The following PTPRJ variants were observed in gnomAD, a reference collection of about 807,000 sequenced individuals.
The protein encoded by PTPRJ is receptor-type tyrosine-protein phosphatase eta.
Under a neutral mutation model 141.3 loss-of-function variants are expected in PTPRJ, and 129 were observed. That is an observed-to-expected ratio of 0.91 (90% CI 0.79 to 1.06). The LOEUF is 1.06. PTPRJ is among the 50% of genes least tolerant of loss of function. PTPRJ has a pLI of 0.00. For synonymous variants in PTPRJ, 610 were observed against 640.5 expected, an observed-to-expected ratio of 0.95 and a Z score of 0.72; for missense variants, 1,601 against 1,679.7, an observed-to-expected ratio of 0.95 and a Z score of 0.82.
intron 1 of PTPRJ, among the ~76,000 whole-genome samples, chr11:48,075,878 A>G (rs549941083): frequency 2.6e-4 from 39 of 152,242 alleles, no homozygotes; most frequent in Non-Finnish European, 4.9e-4. Flanking sequence ...CCGGAGTTCC[A>G]GTTCAGCCAA....
At chr11:48,011,054 G>A (rs1854770395) in intron 1 of PTPRJ, among the ~76,000 whole-genome samples, 1 of 152,104 alleles carries the variant, frequency 6.6e-6, no homozygotes, top group Admixed American at 6.6e-5. Flanking sequence ...CAGGACAGAG[G>A]TCAGTGGTGG....
intron 24 of PTPRJ, 42 bp downstream of exon 24, chr11:48,164,557 CATT>C (rs775332050): frequency 8.5e-7 from 1 of 1,181,268 alleles, no homozygotes; most frequent in African/African-American, 2.1e-5. Context: ...CCTTCCCCTC[CATT>C]TTTTTTTTTT....
intron 4 of PTPRJ, among the ~76,000 whole-genome samples, chr11:48,123,067 T>C (rs1392980184): frequency 6.6e-6 from 1 of 152,222 alleles, no homozygotes; most frequent in Non-Finnish European, 1.5e-5. Flanking sequence ...AATAACGCGA[T>C]GGGAGGAAGG....
intron 12 of PTPRJ, among the ~76,000 whole-genome samples, chr11:48,143,890 T>A (rs1857292736): frequency 6.8e-6 from 1 of 147,068 alleles, no homozygotes; most frequent in Admixed American, 6.8e-5. Context: ...CCCTTCCCTC[T>A]TTCTTTCTTT....
At chr11:48,144,049 T>C (rs140157618) in intron 12 of PTPRJ, among the ~76,000 whole-genome samples, 1 of 152,038 alleles carries the variant, frequency 6.6e-6, no homozygotes, top group East Asian at 1.9e-4. Flanking sequence ...GCATGAATAA[T>C]GCAGTGTTTC....
intron 19 of PTPRJ, 59 bp from the exon 20 acceptor site, chr11:48,155,742 G>T: frequency 1.4e-6 from 2 of 1,390,564 alleles, no homozygotes; most frequent in Admixed American, 2.2e-5. Flanking sequence ...TCTGTTTTGT[G>T]TCCAACTTTA....
At position 48,089,169 on chromosome 11, in the gene PTPRJ, T is replaced by G. The variant is rs745781057; in HGVS notation, c.97-20889T>G. On this transcript the variant is annotated intron_variant, in intron 1 of 24. Transcript: ENST00000418331. The stretch of plus-strand genomic sequence containing the variant: ...AATAAAACCCCATTTTAAAAAGAAA[T>G]TGTAAAAGGAAGCTATGTCCTGTGT... Among the ~76,000 whole-genome samples, 10 of 152,168 alleles carry G rather than the reference T, an allele frequency of 6.6e-5. 1 individual carries two copies. Among genetic ancestry groups the G allele is most frequent in the Admixed American group, 2.6e-4 (4 of 15,288 alleles).
intron 1 of PTPRJ, among the ~76,000 whole-genome samples, chr11:48,059,074 G>A (rs114849168): frequency 0.014 from 2,003 of 141,708 alleles, 76 homozygotes; most frequent in African/African-American, 0.05. Context: ...AGCTCCTCCC[G>A]ATCAGTACTC....
chr11:48,131,455 C>T lies in PTPRJ; in HGVS notation c.1615+739C>T. ...ATGTGGTTTTGTAATCTGCCTTTTC[C>T]CCAACTTGCCAATTAATTATGAATA... On this transcript the variant is annotated intron_variant, in intron 8 of 24. Transcript: ENST00000418331. The T allele has an allele frequency of 3.9e-6, 3 of 767,612 alleles. No individual in the cohort carries two copies. In the Admixed American group the frequency reaches 5.2e-5, roughly 13 times the overall value. The allele number at this position is 767,612 out of a possible 1,614,324, so 47.6% of individuals were successfully genotyped here.
At position 48,169,858 on chromosome 11, in the gene PTPRJ, G is replaced by C. The variant is rs181281955; in HGVS notation, c.*2496G>C. 1 of 152,216 alleles carries C rather than the reference G, an allele frequency of 6.6e-6. No individual in the cohort carries two copies. The allele number at this position is 152,216 out of a possible 1,614,324, so 9.4% of individuals were successfully genotyped here. A position where few individuals can be genotyped will look rare whatever the true frequency, so the allele number is the denominator to read the frequency against. On this transcript the variant is annotated 3_prime_UTR_variant, in exon 25 of 25. Coordinates refer to ENST00000418331, the MANE Select transcript of PTPRJ (RefSeq NM_002843.4). Reference sequence around the variant, plus strand: ...ATGGGAGGAACTCTTGCGGGGGAGCGGTCTGGGATTCCAAATGGGCAGGTC... The same window carrying C: ...ATGGGAGGAACTCTTGCGGGGGAGCCGTCTGGGATTCCAAATGGGCAGGTC...
At chr11:48,087,847 C>G (rs868148900) in intron 1 of PTPRJ, among the ~76,000 whole-genome samples, 6 of 152,224 alleles carry the variant, frequency 3.9e-5, no homozygotes, top group African/African-American at 1.2e-4. Flanking sequence ...TCCTTCTTCT[C>G]CCTGCCTTCC....
intron 8 of PTPRJ, among the ~76,000 whole-genome samples, chr11:48,133,669 G>C (rs1334307001): frequency 6.6e-6 from 1 of 152,204 alleles, no homozygotes; most frequent in Non-Finnish European, 1.5e-5. Flanking sequence ...AGTGTTCATA[G>C]TAGTAGCATT....
chr11:48,110,156 T>A, intron 2 of PTPRJ, 80 bp downstream of exon 2: 1 of 1,400,092 alleles, frequency 7.1e-7, no homozygotes, highest in Non-Finnish European at 9.9e-7. Flanking sequence ...AACAGCAATG[T>A]GAAATGCTAA....
In PTPRJ at chr11:48,000,870, G is replaced by A. The variant is rs113624406; in HGVS notation, c.96+19862G>A. 3.9e-5 allele frequency among the ~76,000 whole-genome samples: 6 copies of A among 151,990 alleles called. No individual in the cohort carries two copies. The South Asian group carries it at 8.3e-4, about 21-fold the overall frequency. On this transcript the variant is annotated intron_variant, in intron 1 of 24. Transcript: ENST00000418331. ...GATTTCCTTATGTGTAGGACAGAGCGTGCCTCAAAAGCATGCTTGCTTGGT... is the reference window on the plus strand; with the variant it reads ...GATTTCCTTATGTGTAGGACAGAGCATGCCTCAAAAGCATGCTTGCTTGGT...
intron 21 of PTPRJ, among the ~76,000 whole-genome samples, chr11:48,159,161 G>GTGTGTGTGTGTGTGTGTGTGTA (rs60389100): frequency 1.0e-4 from 13 of 130,634 alleles, no homozygotes; most frequent in South Asian, 8.1e-4. Flanking sequence ...GTGTGTGTGT[G>GTGTGTGTGTGTGTGTGTGTGTA]GTCATTTGCC....
At chr11:48,027,791 C>CAAAAA (rs750153282) in intron 1 of PTPRJ, among the ~76,000 whole-genome samples, 16 of 32,896 alleles carry the variant, frequency 4.9e-4, no homozygotes, top group African/African-American at 1.5e-3. Context: ...ACTCTGTCTC[C>CAAAAA]AAAAAAAAAA....
intron 23 of PTPRJ, 133 bp downstream of exon 23, chr11:48,163,751 A>G (rs537196291): frequency 5.4e-6 from 6 of 1,105,534 alleles, no homozygotes; most frequent in Middle Eastern, 2.7e-4. Context: ...ATAAGGAACC[A>G]TGGACTTACT....
intron 16 of PTPRJ, 38 bp downstream of exon 16, chr11:48,149,526 C>T (rs368156321): frequency 2.2e-4 from 291 of 1,314,340 alleles, no homozygotes; most frequent in Non-Finnish European, 2.9e-4. Flanking sequence ...TTTAAATCCT[C>T]CAATCTGTTC....
At chr11:48,147,851 GTTT>G (rs780495053) in intron 15 of PTPRJ, among the ~76,000 whole-genome samples, 1 of 145,318 alleles carries the variant, frequency 6.9e-6, no homozygotes, top group African/African-American at 2.5e-5. Flanking sequence ...GTTAGGTTCT[GTTT>G]TTTTTTTTTT....
Sources: allele counts gnomAD v4.1 joint callset (sites outside exome capture counted in the v4.1 genomes callset), GRCh38; gene constraint gnomAD v4.1.1; transcripts MANE v1.5; gene names NCBI Gene and HGNC (gene_info 2026-07-23, HGNC 2026-07-21).